Variants in IMPDH1 observed in about 807,000 individuals in gnomAD.
IMPDH1 encodes the protein inosine-5'-monophosphate dehydrogenase 1.
A neutral mutation model predicts 73.5 loss-of-function variants in IMPDH1; 41 were observed. The observed-to-expected ratio is 0.56, with a 90% CI of 0.43 to 0.72. The LOEUF (loss-of-function observed/expected upper bound fraction) is 0.72. IMPDH1 is among the 30% of genes least tolerant of loss of function. IMPDH1 has a pLI of 0.00. For missense variants in IMPDH1, 645 were observed against 824.8 expected, an observed-to-expected ratio of 0.78 and a Z score of 2.67; for synonymous variants, 318 against 334.3, an observed-to-expected ratio of 0.95 and a Z score of 0.53.
chr7:128,396,867 G>T lies in IMPDH1; in HGVS notation c.1165+65C>A. 1 of 1,291,052 alleles carries T rather than the reference G, an allele frequency of 7.7e-7. No individual in the cohort carries two copies. The highest frequency in any genetic ancestry group is 1.1e-6 in the Non-Finnish European group (1 of 886,746). The allele number at this position is 1,291,052 out of a possible 1,614,324, so 80.0% of individuals were successfully genotyped here. ...CATACCATCACCTAGGGATGCTGAA[G>T]GACAGAAAAGGGTTACTCATTGGAG... On this transcript the variant is annotated intron_variant, in intron 11 of 16. Coordinates refer to ENST00000338791, the MANE Select transcript of IMPDH1 (RefSeq NM_000883.4). This position sits in a 1 kb window ranked among gnomAD's most constrained non-coding sequence, Gnocchi z 4.0.
chr7:128,394,546 T>C lies in IMPDH1; in HGVS notation c.1604A>G (p.Lys535Arg), dbSNP rs903709213. The change falls in exon 15 of 17, where the codon AAA becomes AGA. Residue 535 changes from lysine to arginine, a missense_variant. Physicochemically the swap from Lys to Arg is conservative, Grantham distance 26. Transcript: ENST00000338791. This position sits in a 1 kb window ranked among gnomAD's most constrained non-coding sequence, Gnocchi z 5.5. ...AQGVSGSIQD[K>R]GSIQKFVPYL... ...GGGCACGAACTTCTGAATGGATCCT[T>C]TGTCCTGGATGGAGCCCGAGACACC... 2 of 1,613,838 alleles carry C rather than the reference T, an allele frequency of 1.2e-6. No homozygotes were observed. Among genetic ancestry groups the C allele is most frequent in the Non-Finnish European group, 1.7e-6 (2 of 1,179,988 alleles).
At position 128,409,236 on chromosome 7, in the gene IMPDH1, A is replaced by C. The variant is rs1798974580; in HGVS notation, c.254+53T>G. On this transcript the variant is annotated intron_variant, in intron 3 of 16. Transcript: ENST00000338791. Reference sequence around the variant, plus strand: ...TCGGAGAGACCTTGAGGTGAGCTGCACTGGCAGCCTCTCAGATCTCAGTGC... The same window carrying C: ...TCGGAGAGACCTTGAGGTGAGCTGCCCTGGCAGCCTCTCAGATCTCAGTGC... 2.6e-6 allele frequency: 4 copies of C among 1,515,424 alleles called. No individual in the cohort carries two copies. In the Admixed American group the frequency reaches 7.2e-5, roughly 27 times the overall value. The allele number at this position is 1,515,424 out of a possible 1,614,324, so 93.9% of individuals were successfully genotyped here.
rs1025902522 is a variant in IMPDH1 at position 128,409,814 on chromosome 7, C to T, written c.88G>A (p.Glu30Lys). ...GCGCTGTACCGCTGCGCCGCCGTCT[C>T]GTGTCCCGGGTGTTGCCGGGCTCCG... ...EPGARQHPGH[E>K]TAAQRYSARL... The change falls in exon 1 of 17, where the codon GAG (glutamate) becomes AAG (lysine). Residue 30 changes from glutamate (E) to lysine (K), a missense_variant. Coordinates refer to ENST00000338791, the MANE Select transcript of IMPDH1 (RefSeq NM_000883.4). The T allele has an allele frequency of 2.7e-6, 4 of 1,499,420 alleles. No homozygotes were observed. The highest frequency in any genetic ancestry group is 3.5e-6 in the Non-Finnish European group (4 of 1,131,982). The allele number at this position is 1,499,420 out of a possible 1,614,324, so 92.9% of individuals were successfully genotyped here. A position where few individuals can be genotyped will look rare whatever the true frequency, so the allele number is the denominator to read the frequency against.
rs1797904213 is a variant in IMPDH1, at chr7:128,396,239, CAT to C, written c.1261+359_1261+360del. Among the ~76,000 whole-genome samples the C allele has an allele frequency of 6.6e-6, 1 of 152,216 alleles. No homozygotes were observed. The highest frequency in any genetic ancestry group is 2.1e-4 in the South Asian group (1 of 4,836). ...ACCACATGGTGAAGCAGGTGTATAA[CAT>C]ATCTTTATATATTCAGGGACATGTC... On this transcript the variant is annotated intron_variant, in intron 12 of 16. Transcript: ENST00000338791. The surrounding 1 kb of genome is among the most constrained non-coding windows in gnomAD (Gnocchi z 4.0).
intron 4 of IMPDH1, among the ~76,000 whole-genome samples, chr7:128,404,900 G>A (rs1393609238): frequency 6.6e-6 from 1 of 152,212 alleles, no homozygotes; most frequent in Non-Finnish European, 1.5e-5. Context: ...GGGCAGGCAG[G>A]AGGAGACACT....
Position 128,396,968 on chromosome 7 carries a change from G to T in IMPDH1, c.1129C>A (p.Gln377Lys). The T allele has an allele frequency of 6.2e-7, 1 of 1,613,988 alleles. No homozygotes were observed. Among genetic ancestry groups the T allele is most frequent in the Non-Finnish European group, 8.5e-7 (1 of 1,179,948 alleles). Reference protein sequence around the residue: ...YQIAMVHYIKQKYPHLQVIGG... With the variant: ...YQIAMVHYIKKKYPHLQVIGG... ...ATCACCTGGAGGTGGGGGTACTTCT[G>T]TTTGATGTAATGCACCATGGCGATC... The change falls in exon 11 of 17, where the codon CAG becomes AAG. Residue 377 changes from glutamine (Q) to lysine (K), a missense_variant. Coordinates refer to ENST00000338791, the MANE Select transcript of IMPDH1 (RefSeq NM_000883.4). The surrounding 1 kb of genome is among the most constrained non-coding windows in gnomAD (Gnocchi z 4.0).
chr7:128,400,068 T>A, intron 9 of IMPDH1, 27 bp downstream of exon 9: 1 of 1,546,498 alleles, frequency 6.5e-7, no homozygotes, highest in Non-Finnish European at 8.9e-7. Flanking sequence ...AGGCTGGGGG[T>A]TGAGTTTTCA....
chr7:128,402,101 GTTT>G (rs1183576154), intron 5 of IMPDH1, among the ~76,000 whole-genome samples: 1 of 145,502 alleles, frequency 6.9e-6, no homozygotes. Context: ...GCCAGGCAGG[GTTT>G]TTTTTTTTTT....
At chr7:128,397,478 G>C (rs1005353277) in intron 10 of IMPDH1, among the ~76,000 whole-genome samples, 4 of 152,160 alleles carry the variant, frequency 2.6e-5, no homozygotes, top group Non-Finnish European at 5.9e-5. Flanking sequence ...CTCAGTAAAC[G>C]TGAGCTAAAT....
intron 16 of IMPDH1, chr7:128,393,703 G>A (rs546325372): frequency 5.4e-5 from 9 of 165,326 alleles, no homozygotes; most frequent in African/African-American, 1.1e-4. Flanking sequence ...CGCTTGGCCC[G>A]GGCAGCGCGG....
At chr7:128,397,061 G>A (rs1314324015) in intron 10 of IMPDH1, 39 bp from the exon 11 acceptor site, 2 of 1,456,024 alleles carry the variant, frequency 1.4e-6, no homozygotes, top group Non-Finnish European at 1.9e-6. Context: ...TTAGACAGCT[G>A]AGGATTCTCA....
In IMPDH1 at chr7:128,396,545, G is replaced by T; in HGVS notation, c.1261+55C>A. On this transcript the variant is annotated intron_variant, in intron 12 of 16. Transcript: ENST00000338791. The surrounding 1 kb of genome is among the most constrained non-coding windows in gnomAD (Gnocchi z 4.0). Reference sequence around the variant, plus strand: ...AGAGAGTACTTGATATACATCTGGGGAACAAAGGCGAGGCCCCGGGGCCAG... The same window carrying T: ...AGAGAGTACTTGATATACATCTGGGTAACAAAGGCGAGGCCCCGGGGCCAG... 1.6e-6 allele frequency: 2 copies of T among 1,286,880 alleles called. No individual in the cohort carries two copies. The highest frequency in any genetic ancestry group is 1.3e-5 in the South Asian group (1 of 78,930). The allele number at this position is 1,286,880 out of a possible 1,614,324, so 79.7% of individuals were successfully genotyped here.
chr7:128,403,065 C>T (rs1450638211), intron 5 of IMPDH1, among the ~76,000 whole-genome samples: 1 of 152,072 alleles, frequency 6.6e-6, no homozygotes, highest in Non-Finnish European at 1.5e-5. Context: ...GCAGCCACTC[C>T]CAAGCCCACC....
intron 4 of IMPDH1, 85 bp from the exon 5 acceptor site, chr7:128,403,839 G>T: frequency 8.2e-7 from 1 of 1,223,704 alleles, no homozygotes; most frequent in Non-Finnish European, 1.2e-6. Context: ...AGGCAGCAGG[G>T]GGGTACAGAA....
In IMPDH1 at chr7:128,396,092, C is replaced by T. The variant is rs1237347505; in HGVS notation, c.1261+508G>A. Among the ~76,000 whole-genome samples, 3 of 152,158 alleles carry T rather than the reference C, an allele frequency of 2.0e-5. No homozygotes were observed. Among genetic ancestry groups the T allele is most frequent in the Non-Finnish European group, 4.4e-5 (3 of 68,032 alleles). On this transcript the variant is annotated intron_variant, in intron 12 of 16. Coordinates refer to ENST00000338791, the MANE Select transcript of IMPDH1 (RefSeq NM_000883.4). This position sits in a 1 kb window ranked among gnomAD's most constrained non-coding sequence, Gnocchi z 4.0. ...CACCCCACAAGTCAGATACCAGCCT[C>T]CAGGGAGCACCTCCTCAATAACCAC...
At chr7:128,401,598 G>A (rs1160552090) in intron 5 of IMPDH1, among the ~76,000 whole-genome samples, 3 of 152,176 alleles carry the variant, frequency 2.0e-5, no homozygotes, top group East Asian at 1.9e-4. Flanking sequence ...TGAAGACCAC[G>A]GACAGAAGCT....
intron 7 of IMPDH1, 80 bp from the exon 8 acceptor site, chr7:128,400,619 G>A (rs1209060725): frequency 1.5e-5 from 21 of 1,415,768 alleles, no homozygotes; most frequent in African/African-American, 1.1e-4. Flanking sequence ...AACAGAGGAT[G>A]CAGCTGTGCT....
chr7:128,392,968 G>A lies in IMPDH1; in HGVS notation c.*39C>T. 6.2e-7 allele frequency: 1 copy of A among 1,610,218 alleles called. No individual in the cohort carries two copies. The highest frequency in any genetic ancestry group is 8.5e-7 in the Non-Finnish European group (1 of 1,176,652). ...GGCTGTGCCCAAAAGTGGACACTGG[G>A]GTGCATCCCCTCCACCACCTCGGCC... On this transcript the variant is annotated 3_prime_UTR_variant, in exon 17 of 17. Coordinates refer to ENST00000338791, the MANE Select transcript of IMPDH1 (RefSeq NM_000883.4).
chr7:128,396,975 G>A lies in IMPDH1; in HGVS notation c.1122C>T (p.Tyr374=), dbSNP rs1158428111. Reference sequence around the variant, plus strand: ...GGAGGTGGGGGTACTTCTGTTTGATGTAATGCACCATGGCGATCTGATACA... The same window carrying A: ...GGAGGTGGGGGTACTTCTGTTTGATATAATGCACCATGGCGATCTGATACA... ...NSVYQIAMVH[Y]IKQKYPHLQV... is the part of the protein sequence containing the mutation. Residue 374 remains tyrosine (Y), a synonymous_variant, in exon 11 of 17, where the codon TAC becomes TAT. Coordinates refer to ENST00000338791, the MANE Select transcript of IMPDH1 (RefSeq NM_000883.4). This position sits in a 1 kb window ranked among gnomAD's most constrained non-coding sequence, Gnocchi z 4.0. The A allele has an allele frequency of 1.2e-6, 2 of 1,614,072 alleles. No individual in the cohort carries two copies. The highest frequency in any genetic ancestry group is 1.7e-6 in the Non-Finnish European group (2 of 1,179,966).
Sources: gnomAD v4.1 joint callset for allele counts (sites outside exome capture counted in the v4.1 genomes callset) on GRCh38, gnomAD v4.1.1 for gene constraint, Gnocchi (gnomAD v3.1) non-coding constraint, MANE v1.5 for transcripts, NCBI Gene and HGNC (gene_info 2026-07-23, HGNC 2026-07-21) for gene names.